ATXN10: variants seen among roughly 807,000 people sequenced by gnomAD.
ATXN10 encodes ataxin-10.
Under a neutral mutation model 52.9 loss-of-function variants are expected in ATXN10, and 28 were observed. The ratio of observed to expected loss-of-function variants is 0.53; its 90% CI spans 0.39 to 0.73. The LOEUF (loss-of-function observed/expected upper bound fraction) is 0.73, where lower values mean the gene tolerates loss of function less well. Among genes scored for constraint, ATXN10 ranks in the 30% least tolerant of loss-of-function variants. ATXN10 has a pLI of 0.00. For synonymous variants in ATXN10, 226 were observed against 221.5 expected (o/e 1.02, Z -0.18); for missense variants, 565 against 577.0 (o/e 0.98, Z 0.21).
In ATXN10 at chr22:45,700,262, T is replaced by C. The variant is rs1451805026; in HGVS notation, c.392-20T>C. The C allele has an allele frequency of 2.0e-6, 3 of 1,487,478 alleles. No homozygotes were observed. Among genetic ancestry groups the C allele is most frequent in the Non-Finnish European group, 2.8e-6 (3 of 1,076,700 alleles). The allele number at this position is 1,487,478 out of a possible 1,614,324, so 92.1% of individuals were successfully genotyped here. ...GTTTAATCATTTATTTATTTATTTA[T>C]AACTTTTATATATTCTTAGCTTTTC... On this transcript the variant is annotated intron_variant, in intron 3 of 11. Coordinates refer to ENST00000252934, the MANE Select transcript of ATXN10 (RefSeq NM_013236.4).
At chr22:45,806,746 T>G (rs1025064853) in intron 9 of ATXN10, among the ~76,000 whole-genome samples, 3 of 151,274 alleles carry the variant, frequency 2.0e-5, no homozygotes, top group Non-Finnish European at 3.0e-5. Context: ...TGCCCCAATA[T>G]TTTTTTTTGA....
Position 45,828,201 on chromosome 22 carries a change from A to G in ATXN10, c.1238-14790A>G, listed in dbSNP as rs1928878431. Among the ~76,000 whole-genome samples the G allele has an allele frequency of 6.6e-6, 1 of 151,746 alleles. No individual in the cohort carries two copies. Among genetic ancestry groups the G allele is most frequent in the African/African-American group, 2.4e-5 (1 of 41,232 alleles). ...CCCCATCTCTATTAAAAACTTTAAA[A>G]AAGAAAAAAAAAAGAAGAAAAAAAT... is the stretch of plus-strand genomic sequence containing the variant. On this transcript the variant is annotated intron_variant, in intron 10 of 11. Transcript: ENST00000252934. The surrounding 1 kb of genome is among the most constrained non-coding windows in gnomAD (Gnocchi z 4.5).
At chr22:45,741,893 C>T (rs1925551197) in intron 9 of ATXN10, among the ~76,000 whole-genome samples, 1 of 152,106 alleles carries the variant, frequency 6.6e-6, no homozygotes, top group South Asian at 2.1e-4. Context: ...GCATGCAGGG[C>T]AGTGAAAAGT....
In ATXN10 at chr22:45,811,721, C is replaced by T. The variant is rs1401154387; in HGVS notation, c.1237+4699C>T. Reference sequence around the variant, plus strand: ...AGTGCCACCATCCAGTCCACACTTGCATCATTGCTGGCCCTGAACTTCGGC... The same window carrying T: ...AGTGCCACCATCCAGTCCACACTTGTATCATTGCTGGCCCTGAACTTCGGC... On this transcript the variant is annotated intron_variant, in intron 10 of 11. Coordinates refer to ENST00000252934, the MANE Select transcript of ATXN10 (RefSeq NM_013236.4). 11 of 471,012 alleles carry T rather than the reference C, an allele frequency of 2.3e-5. No individual in the cohort carries two copies. In the East Asian group the frequency reaches 7.6e-4, roughly 33 times the overall value. The allele number at this position is 471,012 out of a possible 1,614,324, so 29.2% of individuals were successfully genotyped here. A position where few individuals can be genotyped will look rare whatever the true frequency, so the allele number is the denominator to read the frequency against.
chr22:45,692,304 G>C (rs16994439), intron 2 of ATXN10, among the ~76,000 whole-genome samples: 25,388 of 152,132 alleles, frequency 0.17, 2,732 homozygotes, highest in African/African-American at 0.31. Flanking sequence ...GGCCAGCAAA[G>C]CAAGGGCTGT....
rs552777158 is a variant in ATXN10 at position 45,721,124 on chromosome 22, G to A, written c.728+2631G>A. Among the ~76,000 whole-genome samples the A allele has an allele frequency of 2.0e-5, 3 of 152,278 alleles. No homozygotes were observed. The South Asian group carries it at 6.2e-4, about 32-fold the overall frequency. ...ACCCAGAGGCTGGTAGTCTATTCAT[G>A]CAGATTACTCGGTGGGGAAATTTTG... On this transcript the variant is annotated intron_variant, in intron 6 of 11. Coordinates refer to ENST00000252934, the MANE Select transcript of ATXN10 (RefSeq NM_013236.4).
chr22:45,683,923 C>T lies in ATXN10; in HGVS notation c.117-5789C>T, dbSNP rs558257706. Among the ~76,000 whole-genome samples the T allele has an allele frequency of 6.6e-6, 1 of 152,180 alleles. No individual in the cohort carries two copies. The highest frequency in any genetic ancestry group is 2.1e-4 in the South Asian group (1 of 4,820). The stretch of plus-strand genomic sequence containing the variant: ...CTTTCTGCCTCTGTGCTAATTTCAC[C>T]TTTTCTTAGCTTCTCTTTCATTTTC... On this transcript the variant is annotated intron_variant, in intron 1 of 11. Coordinates refer to ENST00000252934, the MANE Select transcript of ATXN10 (RefSeq NM_013236.4). The surrounding 1 kb of genome is among the most constrained non-coding windows in gnomAD (Gnocchi z 4.8).
At position 45,840,758 on chromosome 22, in the gene ATXN10, G is replaced by A. The variant is rs1160674461; in HGVS notation, c.1238-2233G>A. ...CCCTCTGATCTCAGGAGCTCTGAAT[G>A]CATTATTGGGAATTTCAGCTTTCCT... On this transcript the variant is annotated intron_variant, in intron 10 of 11. Coordinates refer to ENST00000252934, the MANE Select transcript of ATXN10 (RefSeq NM_013236.4). This position sits in a 1 kb window ranked among gnomAD's most constrained non-coding sequence, Gnocchi z 5.8. Among the ~76,000 whole-genome samples, 2 of 152,200 alleles carry A rather than the reference G, an allele frequency of 1.3e-5. No individual in the cohort carries two copies. The highest frequency in any genetic ancestry group is 2.9e-5 in the Non-Finnish European group (2 of 68,032).
intron 3 of ATXN10, among the ~76,000 whole-genome samples, chr22:45,699,171 G>C (rs914226804): frequency 1.3e-5 from 2 of 152,142 alleles, no homozygotes; most frequent in African/African-American, 4.8e-5. Flanking sequence ...TAAAAATAAT[G>C]TTGGGATTTT....
chr22:45,726,018 A>G (rs1924855477), intron 6 of ATXN10, among the ~76,000 whole-genome samples: 1 of 152,128 alleles, frequency 6.6e-6, no homozygotes, highest in Non-Finnish European at 1.5e-5. Flanking sequence ...ATTATGGTGA[A>G]TTATCTTTTT....
chr22:45,735,925 CAG>C (rs1925278870), intron 7 of ATXN10, among the ~76,000 whole-genome samples: 1 of 145,782 alleles, frequency 6.9e-6, no homozygotes, highest in South Asian at 2.3e-4. Flanking sequence ...TTTTTTAAGA[CAG>C]TAATTTTTCC....
At chr22:45,694,127 C>T (rs140299606) in intron 3 of ATXN10, among the ~76,000 whole-genome samples, 4 of 152,148 alleles carry the variant, frequency 2.6e-5, no homozygotes, top group African/African-American at 9.6e-5. Context: ...TGGAACTTAG[C>T]TCTGATTGTT....
intron 9 of ATXN10, among the ~76,000 whole-genome samples, chr22:45,800,984 G>C (rs570872741): frequency 6.6e-6 from 1 of 152,338 alleles, no homozygotes; most frequent in South Asian, 2.1e-4. Flanking sequence ...TGGCTGTGCA[G>C]ATGCACTTGG....
chr22:45,837,537 C>T lies in ATXN10; in HGVS notation c.1238-5454C>T, dbSNP rs1388986852. On this transcript the variant is annotated intron_variant, in intron 10 of 11. Coordinates refer to ENST00000252934, the MANE Select transcript of ATXN10 (RefSeq NM_013236.4). This position sits in a 1 kb window ranked among gnomAD's most constrained non-coding sequence, Gnocchi z 5.8. ...TCAGCCTCCCAAAGTGTTGGGATTA[C>T]AGGCGTGAGCCACTATGCCCGGCCT... Among the ~76,000 whole-genome samples, 2 of 152,264 alleles carry T rather than the reference C, an allele frequency of 1.3e-5. No homozygotes were observed. The highest frequency in any genetic ancestry group is 2.9e-5 in the Non-Finnish European group (2 of 68,056).
intron 1 of ATXN10, chr22:45,675,341 C>T (rs914472816): frequency 1.3e-5 from 2 of 152,224 alleles, no homozygotes; most frequent in Non-Finnish European, 2.9e-5. Flanking sequence ...TTCTTTGATA[C>T]TCTGACCTTC....
chr22:45,812,760 C>T (rs1355599078), intron 10 of ATXN10, among the ~76,000 whole-genome samples: 1 of 152,200 alleles, frequency 6.6e-6, no homozygotes, highest in Non-Finnish European at 1.5e-5. Flanking sequence ...TAATGTCCTT[C>T]TTGGGACAGG....
intron 5 of ATXN10, among the ~76,000 whole-genome samples, chr22:45,707,297 C>T (rs920205144): frequency 3.3e-5 from 5 of 152,130 alleles, no homozygotes; most frequent in African/African-American, 1.2e-4. Context: ...TGGCTTCTTG[C>T]AGTGTAATCT....
chr22:45,817,347 CAG>C (rs1463289664), intron 10 of ATXN10, among the ~76,000 whole-genome samples: 1 of 114,270 alleles, frequency 8.8e-6, no homozygotes, highest in Non-Finnish European at 1.7e-5. Flanking sequence ...TTTTTTAAGA[CAG>C]AGTCTCACTT....
At chr22:45,817,745 G>A (rs975468221) in intron 10 of ATXN10, among the ~76,000 whole-genome samples, 1 of 152,172 alleles carries the variant, frequency 6.6e-6, no homozygotes, top group African/African-American at 2.4e-5. Flanking sequence ...TTTCACAGGT[G>A]AGCAGAGGCC....
Sources: allele counts gnomAD v4.1 joint callset (sites outside exome capture counted in the v4.1 genomes callset), GRCh38; gene constraint gnomAD v4.1.1; non-coding constraint Gnocchi (gnomAD v3.1); transcripts MANE v1.5; gene names NCBI Gene and HGNC (gene_info 2026-07-23, HGNC 2026-07-21).